Variants in BPTF observed in about 807,000 individuals in gnomAD.
The protein encoded by BPTF is nucleosome-remodeling factor subunit BPTF.
In BPTF, 18 loss-of-function variants were observed where a neutral mutation model predicts 292.5. The ratio of observed to expected loss-of-function variants is 0.06; its 90% CI spans 0.04 to 0.09. The LOEUF (loss-of-function observed/expected upper bound fraction) is 0.09. Ranked by LOEUF, BPTF falls within the 10% of genes least tolerant of loss-of-function variation. The probability of loss-of-function intolerance (pLI) is 1.00; values close to 1 mark genes in which losing one functional copy is unlikely to be tolerated. For missense variants in BPTF, 2,726 were observed against 3,498.7 expected (o/e 0.78, Z 5.57); for synonymous variants, 1,225 against 1,251.9 (o/e 0.98, Z 0.45).
At chr17:67,925,108 T>G (rs2063766868) in intron 15 of BPTF, among the ~76,000 whole-genome samples, 1 of 151,238 alleles carries the variant, frequency 6.6e-6, no homozygotes, top group South Asian at 2.1e-4. Flanking sequence ...TGTCATTATT[T>G]GAAAACAGCT....
At position 67,893,469 on chromosome 17, in the gene BPTF, G is replaced by C; in HGVS notation, c.2155G>C (p.Glu719Gln). ...CAACAATTATTTTAAATTGGGTCAAGAAGGGAAGTATCGCGTCTACCACAA... is the reference window on the plus strand; with the variant it reads ...CAACAATTATTTTAAATTGGGTCAACAAGGGAAGTATCGCGTCTACCACAA... ...NINNYFKLGQ[E>Q]GKYRVYHNQY... is the part of the protein sequence containing the mutation. Residue 719 changes from glutamate to glutamine, a missense_variant, in exon 6 of 28, where the codon GAA becomes CAA. Glu to Gln is a conservative substitution (Grantham distance 29). Coordinates refer to ENST00000306378, the MANE Select transcript of BPTF (RefSeq NM_182641.4). 6.2e-7 allele frequency: 1 copy of C among 1,614,154 alleles called. No individual in the cohort carries two copies. Among genetic ancestry groups the C allele is most frequent in the Non-Finnish European group, 8.5e-7 (1 of 1,180,000 alleles).
Position 67,961,700 on chromosome 17 carries a change from G to A in BPTF, c.8261+1825G>A, listed in dbSNP as rs1362867236. Among the ~76,000 whole-genome samples, 7 of 152,222 alleles carry A rather than the reference G, an allele frequency of 4.6e-5. No individual in the cohort carries two copies. In the East Asian group the frequency reaches 7.7e-4, roughly 17 times the overall value. On this transcript the variant is annotated intron_variant, in intron 24 of 27. Coordinates refer to ENST00000306378, the MANE Select transcript of BPTF (RefSeq NM_182641.4). ...CGTCTGTACAAAAAATTGGCCAGGC[G>A]TGGTGGCTAATGCCTGTAATCCCAA... is the stretch of plus-strand genomic sequence containing the variant.
At position 67,825,515 on chromosome 17, in the gene BPTF, A is replaced by G. The variant is rs1325757883; in HGVS notation, c.-210A>G. ...TGTCGGTTCCCCCAGTCACCGAGCG[A>G]GAGGGAAGAAACAAGATGGCGGCTG... is the stretch of plus-strand genomic sequence containing the variant. On this transcript the variant is annotated 5_prime_UTR_variant, in exon 1 of 28. Coordinates refer to ENST00000306378, the MANE Select transcript of BPTF (RefSeq NM_182641.4). The G allele has an allele frequency of 1.2e-5, 5 of 419,428 alleles. No individual in the cohort carries two copies. The highest frequency in any genetic ancestry group is 6.7e-5 in the South Asian group (4 of 59,822). 26.0% of individuals were successfully genotyped at this position (419,428 alleles called of 1,614,324 possible).
chr17:67,874,716 C>T, intron 3 of BPTF, 101 bp from the exon 4 acceptor site: 6 of 716,716 alleles, frequency 8.4e-6, no homozygotes, highest in East Asian at 2.7e-5. Context: ...TTAATTTTTC[C>T]TCTTTAATAG....
chr17:67,871,441 C>CAAAAA (rs751011017), intron 3 of BPTF, among the ~76,000 whole-genome samples: 2 of 80,142 alleles, frequency 2.5e-5, no homozygotes, highest in African/African-American at 4.3e-5. Flanking sequence ...ACTTTGTCTC[C>CAAAAA]AAAAAAAAAA....
intron 3 of BPTF, among the ~76,000 whole-genome samples, chr17:67,871,135 A>G (rs1003736141): frequency 6.6e-6 from 1 of 152,090 alleles, no homozygotes; most frequent in Admixed American, 6.6e-5. Flanking sequence ...TGTCTACTTT[A>G]GGAGAGTTTA....
chr17:67,839,502 C>G (rs763311577), intron 1 of BPTF, among the ~76,000 whole-genome samples: 2 of 152,184 alleles, frequency 1.3e-5, no homozygotes, highest in Non-Finnish European at 2.9e-5. Flanking sequence ...ATTCCTGCAG[C>G]AAACCTCTCT....
rs529144627 is a variant in BPTF, at chr17:67,968,262, G to A, written c.8539+1606G>A. Among the ~76,000 whole-genome samples the A allele has an allele frequency of 3.8e-4, 58 of 150,974 alleles. 1 individual carries two copies. The highest frequency in any genetic ancestry group is 9.9e-4 in the Admixed American group (15 of 15,176). On this transcript the variant is annotated intron_variant, in intron 26 of 27. Coordinates refer to ENST00000306378, the MANE Select transcript of BPTF (RefSeq NM_182641.4). ...TGTGTTTCATGGCAGCATGAAAGAG[G>A]GGGAAACATGAAGTGGAAATAAATG...
At chr17:67,878,364 TTTC>T (rs2060174424) in intron 4 of BPTF, among the ~76,000 whole-genome samples, 1 of 152,196 alleles carries the variant, frequency 6.6e-6, no homozygotes, top group Non-Finnish European at 1.5e-5. Context: ...ATTTTACATG[TTTC>T]TTGTGCACAT....
intron 2 of BPTF, among the ~76,000 whole-genome samples, chr17:67,861,596 G>A (rs1184479901): frequency 6.6e-6 from 1 of 152,140 alleles, no homozygotes; most frequent in Non-Finnish European, 1.5e-5. Context: ...GATTACAGAT[G>A]TGAGCCACCA....
At chr17:67,902,707 A>C (rs1045754276) in intron 7 of BPTF, among the ~76,000 whole-genome samples, 3 of 152,156 alleles carry the variant, frequency 2.0e-5, no homozygotes, top group South Asian at 2.1e-4. Context: ...GGAGAGAAGA[A>C]GCCGGGAGAT....
intron 3 of BPTF, among the ~76,000 whole-genome samples, chr17:67,867,272 AC>A (rs1297227082): frequency 6.6e-6 from 1 of 152,170 alleles, no homozygotes. Context: ...ATCTTATTAA[AC>A]TTTTTTGGCA....
chr17:67,844,274 G>A (rs150152421), intron 1 of BPTF, among the ~76,000 whole-genome samples: 1,516 of 148,968 alleles, frequency 0.01, 8 homozygotes, highest in Middle Eastern at 0.024. Flanking sequence ...TTGAGACGGA[G>A]TCTAGCTCTG....
chr17:67,919,979 G>C (rs1300002719), intron 12 of BPTF, 36 bp from the exon 13 acceptor site: 3 of 1,574,270 alleles, frequency 1.9e-6, no homozygotes, highest in Admixed American at 3.7e-5. Context: ...GAGTATTTCA[G>C]TTGGTTATTA....
chr17:67,917,288 A>G (rs1341880349), intron 11 of BPTF, among the ~76,000 whole-genome samples: 1 of 151,710 alleles, frequency 6.6e-6, no homozygotes, highest in East Asian at 1.9e-4. Flanking sequence ...GCCCGCCACC[A>G]TACCCAGCTT....
chr17:67,909,050 G>C (rs935771015), intron 9 of BPTF, among the ~76,000 whole-genome samples: 1 of 150,888 alleles, frequency 6.6e-6, no homozygotes, highest in Admixed American at 6.6e-5. Flanking sequence ...AGCCAGGCTG[G>C]TCTCAAACTC....
rs1179554063 is a variant in BPTF, at chr17:67,893,529, C to T, written c.2215C>T (p.His739Tyr). 1 of 1,614,108 alleles carries T rather than the reference C, an allele frequency of 6.2e-7. No individual in the cohort carries two copies. Among genetic ancestry groups the T allele is most frequent in the Non-Finnish European group, 8.5e-7 (1 of 1,179,974 alleles). The change falls in exon 6 of 28, where the codon CAC becomes TAC. Residue 739 changes from histidine (H) to tyrosine (Y), a missense_variant. Around this residue, in one of 22 missense-constraint regions of BPTF, gnomAD observed 63 missense variants for 84.1 expected, o/e 0.75. Transcript: ENST00000306378. ...YSTNSFALNK[H>Y]QHREDHDKRR... ...CACCAATTCATTTGCTTTGAATAAG[C>T]ACCAGCACAGAGAAGACCATGATAA... is the stretch of plus-strand genomic sequence containing the variant.
At chr17:67,932,306 C>T (rs1300455837) in intron 18 of BPTF, among the ~76,000 whole-genome samples, 1 of 152,110 alleles carries the variant, frequency 6.6e-6, no homozygotes, top group African/African-American at 2.4e-5. Context: ...GACAGAAAAT[C>T]AAGGAGATAG....
chr17:67,894,193 A>G, intron 7 of BPTF, 28 bp downstream of exon 7: 1 of 1,611,114 alleles, frequency 6.2e-7, no homozygotes, highest in Non-Finnish European at 8.5e-7. Flanking sequence ...CTTGTAAATG[A>G]TGAGTATTGG....
Sources: allele counts gnomAD v4.1 joint callset (sites outside exome capture counted in the v4.1 genomes callset), GRCh38; gene constraint gnomAD v4.1.1; regional missense constraint gnomAD v4.1.1; transcripts MANE v1.5; gene names NCBI Gene and HGNC (gene_info 2026-07-23, HGNC 2026-07-21).